The following DNAH6 variants were observed in gnomAD, a reference collection of about 807,000 sequenced individuals.
DNAH6 encodes the protein dynein axonemal heavy chain 6, also known as axonemal beta dynein heavy chain 6.
Under a neutral mutation model 491.4 loss-of-function variants are expected in DNAH6, and 340 were observed. That is an observed-to-expected ratio of 0.69 (90% CI 0.63 to 0.76). DNAH6 has a LOEUF of 0.76. Among genes scored for constraint, DNAH6 ranks in the 30% least tolerant of loss-of-function variants. DNAH6 has a pLI of 0.00. For missense variants in DNAH6, 4,443 were observed against 4,972.2 expected (o/e 0.89, Z 3.20); for synonymous variants, 1,603 against 1,686.1 (o/e 0.95, Z 1.21).
the DNAH6 span, among the ~76,000 whole-genome samples, chr2:84,463,222 G>T: frequency 6.6e-6 from 1 of 152,168 alleles, no homozygotes; most frequent in Non-Finnish European, 1.5e-5. Context: ...ATACAGCAAG[G>T]GTGTGAAGGG....
At position 84,785,595 on chromosome 2, in the gene DNAH6, T is replaced by G. The variant is rs1255680564; in HGVS notation, c.10954-15T>G. The G allele has an allele frequency of 2.6e-6, 4 of 1,515,282 alleles. No individual in the cohort carries two copies. Among genetic ancestry groups the G allele is most frequent in the South Asian group, 1.3e-5 (1 of 77,572 alleles). The allele number at this position is 1,515,282 out of a possible 1,614,324, so 93.9% of individuals were successfully genotyped here. Reference sequence around the variant, plus strand: ...AAATCACTCTCTCTGCCACATATATTCTATCTAAATCCAGGTGACCAATGA... The same window carrying G: ...AAATCACTCTCTCTGCCACATATATGCTATCTAAATCCAGGTGACCAATGA... On this transcript the variant is annotated splice_polypyrimidine_tract_variant and intron_variant, in intron 66 of 76. Coordinates refer to ENST00000389394, the MANE Select transcript of DNAH6 (RefSeq NM_001370.2).
intron 20 of DNAH6, among the ~76,000 whole-genome samples, chr2:84,606,687 G>T (rs1685805852): frequency 6.6e-6 from 1 of 152,118 alleles, no homozygotes; most frequent in Non-Finnish European, 1.5e-5. Context: ...TAATAGTGAA[G>T]GGAGAGAGGA....
intron 41 of DNAH6, among the ~76,000 whole-genome samples, chr2:84,679,870 T>C (rs377744921): frequency 6.6e-6 from 1 of 152,220 alleles, no homozygotes; most frequent in Non-Finnish European, 1.5e-5. Flanking sequence ...TATCTAGATA[T>C]AGACACACAG....
At chr2:84,706,168 C>A (rs1011038704) in intron 52 of DNAH6, among the ~76,000 whole-genome samples, 9 of 152,136 alleles carry the variant, frequency 5.9e-5, no homozygotes, top group African/African-American at 2.2e-4. Context: ...TTTAGTGGAG[C>A]AGGTTACTGA....
intron 70 of DNAH6, 113 bp downstream of exon 70, chr2:84,797,771 A>C: frequency 1.0e-6 from 1 of 964,624 alleles, no homozygotes; most frequent in Non-Finnish European, 1.5e-6. Context: ...TAAACAAATA[A>C]AATAATTGTT....
chr2:84,730,347 A>C (rs1699022522), intron 61 of DNAH6, among the ~76,000 whole-genome samples: 2 of 152,236 alleles, frequency 1.3e-5, no homozygotes, highest in Non-Finnish European at 2.9e-5. Flanking sequence ...TTTCTATTAC[A>C]TGTGGACAAG....
intron 37 of DNAH6, among the ~76,000 whole-genome samples, chr2:84,667,983 G>A (rs541373369): frequency 1.2e-4 from 18 of 152,222 alleles, no homozygotes; most frequent in African/African-American, 3.4e-4. Flanking sequence ...GCAAACTATC[G>A]CAAGGACAGA....
chr2:84,532,303 A>G (rs1677251576), intron 4 of DNAH6, among the ~76,000 whole-genome samples: 1 of 152,178 alleles, frequency 6.6e-6, no homozygotes, highest in African/African-American at 2.4e-5. Flanking sequence ...TTCTCATTTA[A>G]AAAGATATTT....
At chr2:84,530,668 T>TG (rs1677081208) in intron 4 of DNAH6, among the ~76,000 whole-genome samples, 1 of 152,052 alleles carries the variant, frequency 6.6e-6, no homozygotes, top group Non-Finnish European at 1.5e-5. Flanking sequence ...GAAGACAAAT[T>TG]GAAGGCCGTA....
At chr2:84,530,539 A>G (rs1459634899) in intron 4 of DNAH6, among the ~76,000 whole-genome samples, 1 of 152,200 alleles carries the variant, frequency 6.6e-6, no homozygotes, top group Non-Finnish European at 1.5e-5. Flanking sequence ...GGCTACAACA[A>G]TGGAGAACCA....
At chr2:84,654,461 T>C (rs1275217023) in intron 34 of DNAH6, among the ~76,000 whole-genome samples, 199 bp from the exon 35 acceptor site, 6 of 152,140 alleles carry the variant, frequency 3.9e-5, no homozygotes, top group Non-Finnish European at 7.4e-5. Flanking sequence ...GTTGTGGGAA[T>C]TTTTTTCACC....
the DNAH6 span, among the ~76,000 whole-genome samples, chr2:84,492,705 A>G: frequency 6.6e-6 from 1 of 152,192 alleles, no homozygotes; most frequent in Non-Finnish European, 1.5e-5. Context: ...CTTGTCATAC[A>G]CTTTTTATCC....
chr2:84,653,179 G>A (rs886387488), intron 33 of DNAH6, 140 bp from the exon 34 acceptor site: 59 of 763,250 alleles, frequency 7.7e-5, no homozygotes, highest in Non-Finnish European at 1.2e-4. Flanking sequence ...ACAGCACATA[G>A]GACAAACTAA....
intron 70 of DNAH6, among the ~76,000 whole-genome samples, chr2:84,801,972 C>T (rs1411887202): frequency 6.6e-6 from 1 of 151,614 alleles, no homozygotes; most frequent in Non-Finnish European, 1.5e-5. Flanking sequence ...GCCTTATAAA[C>T]AAAAAACAAA....
chr2:84,485,313 A>G, the DNAH6 span, among the ~76,000 whole-genome samples: 1 of 152,104 alleles, frequency 6.6e-6, no homozygotes, highest in Admixed American at 6.6e-5. Context: ...TGTCTCAAAC[A>G]CAGCATGGAA....
intron 26 of DNAH6, among the ~76,000 whole-genome samples, chr2:84,623,820 TA>T (rs1687615180): frequency 6.6e-6 from 1 of 152,246 alleles, no homozygotes; most frequent in Non-Finnish European, 1.5e-5. Context: ...TTGGCTAGCT[TA>T]AAATGCTCAG....
At chr2:84,567,947 AT>A (rs1476497148) in intron 11 of DNAH6, among the ~76,000 whole-genome samples, 1 of 152,150 alleles carries the variant, frequency 6.6e-6, no homozygotes, top group Non-Finnish European at 1.5e-5. Flanking sequence ...TGGCATATGT[AT>A]ATTATATAAT....
Position 84,540,269 on chromosome 2 carries a change from T to C in DNAH6, c.663-3964T>C, listed in dbSNP as rs1231483714. ...CCTGATTGAAGAGGATGATTTGTGTTGACAGAGAAGGAACTAATGTGAAAC... is the reference window on the plus strand; with the variant it reads ...CCTGATTGAAGAGGATGATTTGTGTCGACAGAGAAGGAACTAATGTGAAAC... On this transcript the variant is annotated intron_variant, in intron 4 of 76. Coordinates refer to ENST00000389394, the MANE Select transcript of DNAH6 (RefSeq NM_001370.2). 7.2e-5 allele frequency among the ~76,000 whole-genome samples: 11 copies of C among 152,236 alleles called. No homozygotes were observed. The South Asian group carries it at 2.3e-3, about 32-fold the overall frequency.
chr2:84,471,564 A>G, the DNAH6 span, among the ~76,000 whole-genome samples: 1 of 152,092 alleles, frequency 6.6e-6, no homozygotes, highest in Non-Finnish European at 1.5e-5. Flanking sequence ...TCCATTAAGC[A>G]TTGTGACTCT....
Sources: gnomAD v4.1 joint callset for allele counts (sites outside exome capture counted in the v4.1 genomes callset) on GRCh38, gnomAD v4.1.1 for gene constraint, MANE v1.5 for transcripts, NCBI Gene and HGNC (gene_info 2026-07-23, HGNC 2026-07-21) for gene names.